TASL: variants seen among roughly 807,000 people sequenced by gnomAD.
TASL encodes the protein TLR adaptor interacting with endolysosomal SLC15A4.
Under a neutral mutation model 12.9 loss-of-function variants are expected in TASL, and 6 were observed. That is an observed-to-expected ratio of 0.46 (90% CI 0.25 to 0.92). The LOEUF (loss-of-function observed/expected upper bound fraction) is 0.92. Ranked by LOEUF, TASL falls within the 40% of genes least tolerant of loss-of-function variation. TASL has a pLI of 0.17. For synonymous variants in TASL, 85 were observed against 79.3 expected (o/e 1.07, Z -0.38); for missense variants, 165 against 212.8 (o/e 0.78, Z 1.40).
chrX:30,563,529 C>T (rs189279431), intron 2 of TASL, among the ~76,000 whole-genome samples: 4 of 111,295 alleles, frequency 3.6e-5, no homozygotes, highest in Non-Finnish European at 5.7e-5. Context: ...TAAGAAATAT[C>T]GAAAATCTAT....
chrX:30,568,900 T>G (rs745359343), intron 2 of TASL, among the ~76,000 whole-genome samples: 1 of 103,739 alleles, frequency 9.6e-6, no homozygotes, highest in East Asian at 3.0e-4. Flanking sequence ...GACAGACCAG[T>G]AAAGTGGTGG....
intron 2 of TASL, among the ~76,000 whole-genome samples, chrX:30,571,256 GAGAAAGAAAGAA>G (rs58163494): frequency 0.062 from 2,281 of 36,662 alleles, 77 homozygotes; most frequent in Non-Finnish European, 0.072. Context: ...GAGAAAGAAA[GAGAAAGAAAGAA>G]AGAAAGAAAG....
chrX:30,566,994 T>C (rs192605446), intron 2 of TASL, among the ~76,000 whole-genome samples: 2 of 111,768 alleles, frequency 1.8e-5, no homozygotes, highest in African/African-American at 3.2e-5. Context: ...TTAAGAAAGT[T>C]GTGTAGCAGT....
At chrX:30,569,903 C>T (rs771563724) in intron 2 of TASL, among the ~76,000 whole-genome samples, 1 of 109,129 alleles carries the variant, frequency 9.2e-6, no homozygotes, top group African/African-American at 3.3e-5. Flanking sequence ...CCCAGCTGCT[C>T]GGGAGGCTGA....
intron 2 of TASL, among the ~76,000 whole-genome samples, chrX:30,575,320 G>T (rs1383118829): frequency 2.7e-5 from 3 of 110,426 alleles, no homozygotes; most frequent in Non-Finnish European, 5.7e-5. Flanking sequence ...ACATGTTCCA[G>T]TTTTTTTTCA....
chrX:30,567,653 G>A (rs1005350151), intron 2 of TASL, among the ~76,000 whole-genome samples: 1 of 111,642 alleles, frequency 9.0e-6, no homozygotes, highest in African/African-American at 3.3e-5. Flanking sequence ...TATATGCTTG[G>A]TGAAGCCAGG....
intron 2 of TASL, among the ~76,000 whole-genome samples, chrX:30,561,473 G>A (rs1233496879): frequency 2.7e-5 from 3 of 111,607 alleles, no homozygotes; most frequent in African/African-American, 9.8e-5. Flanking sequence ...CAACAGCAAG[G>A]AAAACTGGTC....
intron 2 of TASL, among the ~76,000 whole-genome samples, chrX:30,562,778 T>C (rs1054716278): frequency 8.2e-5 from 9 of 110,166 alleles, no homozygotes; most frequent in African/African-American, 3.0e-4. Flanking sequence ...AGATATCCAA[T>C]TGAGGTTGAA....
chrX:30,560,263 C>T lies in TASL; in HGVS notation c.93G>A (p.Lys31=), dbSNP rs181344532. ...TAGCAACAGAATTTGTCTCCTCTTC[C>T]TTTTCCCCAGCCACCTGCTCATTAT... ...ASYNEQVAGE[K]EEETNSVATL... Residue 31 remains lysine (K), a synonymous_variant, in exon 3 of 3, where the codon AAG becomes AAA. Transcript: ENST00000378962. 799 of 1,208,481 alleles carry T rather than the reference C, an allele frequency of 6.6e-4. 12 individuals carry two copies. In the East Asian group the frequency reaches 0.024, roughly 36 times the overall value.
chrX:30,568,268 T>G (rs1601837993), intron 2 of TASL, among the ~76,000 whole-genome samples: 5 of 99,711 alleles, frequency 5.0e-5, no homozygotes, highest in Admixed American at 1.1e-4. Context: ...ACTAAGGGGG[T>G]GGGGGGAGAA....
At chrX:30,566,009 G>A (rs1362164026) in intron 2 of TASL, among the ~76,000 whole-genome samples, 2 of 109,717 alleles carry the variant, frequency 1.8e-5, no homozygotes, top group Non-Finnish European at 3.8e-5. Context: ...GACCTGAAGC[G>A]ATCCACCTAC....
At chrX:30,571,278 G>GAAAGAAAAAGAAAGAAAGAAAGAAAGAA (rs1555998463) in intron 2 of TASL, among the ~76,000 whole-genome samples, 1 of 74,596 alleles carries the variant, frequency 1.3e-5, no homozygotes, top group Non-Finnish European at 2.6e-5. Flanking sequence ...AAGAAAGAAA[G>GAAAGAAAAAGAAAGAAAGAAAGAAAGAA]AAAGAAAGAA....
At chrX:30,570,240 A>T (rs1033328199) in intron 2 of TASL, among the ~76,000 whole-genome samples, 2 of 108,395 alleles carry the variant, frequency 1.8e-5, no homozygotes, top group Non-Finnish European at 3.8e-5. Flanking sequence ...TCTCTCTCAC[A>T]CACACACACA....
chrX:30,572,619 G>A (rs375480493), intron 2 of TASL, among the ~76,000 whole-genome samples: 1 of 111,905 alleles, frequency 8.9e-6, no homozygotes, highest in East Asian at 2.8e-4. Flanking sequence ...GCTGATCAAA[G>A]GACACACTTT....
intron 2 of TASL, among the ~76,000 whole-genome samples, chrX:30,567,418 G>A (rs748454914): frequency 8.9e-6 from 1 of 111,928 alleles, no homozygotes; most frequent in South Asian, 3.7e-4. Context: ...ATAAAGCACT[G>A]AAAATAGATC....
At chrX:30,566,370 G>A (rs1300279870) in intron 2 of TASL, among the ~76,000 whole-genome samples, 3 of 110,598 alleles carry the variant, frequency 2.7e-5, no homozygotes, top group Non-Finnish European at 5.7e-5. Context: ...AGCCAGGCAT[G>A]GTGGCGCATG....
chrX:30,571,282 G>GAA (rs748518760), intron 2 of TASL, among the ~76,000 whole-genome samples: 2,396 of 68,475 alleles, frequency 0.035, 53 homozygotes, highest in South Asian at 0.08. Flanking sequence ...AAGAAAGAAA[G>GAA]AAAGAAAGAA....
At chrX:30,569,990 C>T (rs1253765868) in intron 2 of TASL, among the ~76,000 whole-genome samples, 2 of 103,396 alleles carry the variant, frequency 1.9e-5, no homozygotes, top group Admixed American at 1.1e-4. Context: ...TGCACTCCAG[C>T]CTGGCGACAG....
chrX:30,559,425 C>A lies in TASL; in HGVS notation c.*25G>T. ...GTGTTGCTTCATGTTTAAGTAAATG[C>A]GAGACAGTAATGGAAGCATCCTCTC... On this transcript the variant is annotated 3_prime_UTR_variant, in exon 3 of 3. Coordinates refer to ENST00000378962, the MANE Select transcript of TASL (RefSeq NM_025159.3). 9.3e-7 allele frequency: 1 copy of A among 1,078,833 alleles called. No individual in the cohort carries two copies. 88.9% of individuals were successfully genotyped at this position (1,078,833 alleles called of 1,213,427 possible).
Sources: allele counts gnomAD v4.1 joint callset (sites outside exome capture counted in the v4.1 genomes callset), GRCh38; gene constraint gnomAD v4.1.1; transcripts MANE v1.5; gene names NCBI Gene and HGNC (gene_info 2026-07-23, HGNC 2026-07-21).